Variants in STX8 observed in about 807,000 individuals in gnomAD.
STX8 encodes syntaxin 8.
STX8 carries 23 observed loss-of-function variants against 37.5 expected under a neutral mutation model. The observed-to-expected ratio is 0.61, with a 90% CI of 0.44 to 0.87. STX8 has a LOEUF of 0.87. Among genes scored for constraint, STX8 ranks in the 40% least tolerant of loss-of-function variants. The pLI, the probability that STX8 is intolerant of heterozygous loss-of-function variation, is 0.00. For synonymous variants in STX8, 115 were observed against 99.1 expected (o/e 1.16, Z -0.95); for missense variants, 313 against 284.7 (o/e 1.10, Z -0.71).
chr17:9,294,282 C>T (rs961652122), intron 7 of STX8, among the ~76,000 whole-genome samples: 4 of 152,140 alleles, frequency 2.6e-5, no homozygotes, highest in Non-Finnish European at 5.9e-5. Flanking sequence ...GGCTGGAAGG[C>T]CTAATGGTGA....
chr17:9,364,413 T>C (rs1352080448), intron 7 of STX8, among the ~76,000 whole-genome samples: 9 of 152,250 alleles, frequency 5.9e-5, no homozygotes, highest in African/African-American at 2.2e-4. Flanking sequence ...CAGTTTAAAC[T>C]GATTGAAGAA....
chr17:9,302,002 T>C (rs1225889558), intron 7 of STX8, among the ~76,000 whole-genome samples: 2 of 152,198 alleles, frequency 1.3e-5, no homozygotes, highest in East Asian at 1.9e-4. Context: ...TTATATAACA[T>C]AGAAATTATT....
intron 7 of STX8, 146 bp from the exon 8 acceptor site, chr17:9,250,791 T>C: frequency 5.0e-6 from 4 of 792,450 alleles, no homozygotes; most frequent in Non-Finnish European, 8.1e-6. Context: ...GTCGGTGGCC[T>C]GGGGCGCCGC....
intron 7 of STX8, among the ~76,000 whole-genome samples, chr17:9,370,328 C>T (rs1178238811): frequency 6.6e-6 from 1 of 152,178 alleles, no homozygotes; most frequent in Non-Finnish European, 1.5e-5. Flanking sequence ...ACAGAACAAT[C>T]ACATGTACTA....
rs138705922 is a variant in STX8, at chr17:9,415,626, G to A, written c.542-36973C>T. 4.4e-3 allele frequency among the ~76,000 whole-genome samples: 673 copies of A among 152,106 alleles called. 7 individuals carry two copies. The highest frequency in any genetic ancestry group is 0.015 in the African/African-American group (617 of 41,494). Reference sequence around the variant, plus strand: ...CTACTAAAAATACAAAAAATTAGCCGGGCGTGGTGGCAGGCGCCTGTAGTC... The same window carrying A: ...CTACTAAAAATACAAAAAATTAGCCAGGCGTGGTGGCAGGCGCCTGTAGTC... On this transcript the variant is annotated intron_variant, in intron 6 of 7. Coordinates refer to ENST00000306357, the MANE Select transcript of STX8 (RefSeq NM_004853.3).
intron 5 of STX8, among the ~76,000 whole-genome samples, chr17:9,496,865 G>A (rs964680992): frequency 1.4e-4 from 22 of 152,124 alleles, no homozygotes; most frequent in Admixed American, 1.2e-3. Context: ...GTAAGGGAAC[G>A]AATTCTCCAG....
At chr17:9,345,932 A>ACCT (rs1445963398) in intron 7 of STX8, among the ~76,000 whole-genome samples, 13 of 130,892 alleles carry the variant, frequency 9.9e-5, no homozygotes, top group Non-Finnish European at 1.5e-5. Flanking sequence ...GCTCACTGCT[A>ACCT]CCTCCGCGTC....
chr17:9,401,243 C>T lies in STX8; in HGVS notation c.542-22590G>A, dbSNP rs374843173. ...CTAGAATGCTATTTCTGGGTTCTTC[C>T]TCTTGTATCTCAACAAAACAGACTA... On this transcript the variant is annotated intron_variant, in intron 6 of 7. Transcript: ENST00000306357. Among the ~76,000 whole-genome samples the T allele has an allele frequency of 4.6e-5, 7 of 152,252 alleles. 1 individual carries two copies. Among genetic ancestry groups the T allele is most frequent in the African/African-American group, 1.7e-4 (7 of 41,540 alleles).
At chr17:9,300,288 G>A (rs893104915) in intron 7 of STX8, among the ~76,000 whole-genome samples, 2 of 133,658 alleles carry the variant, frequency 1.5e-5, no homozygotes, top group Non-Finnish European at 3.1e-5. Flanking sequence ...CCACGGTGGT[G>A]CCATTGCACT....
intron 1 of STX8, among the ~76,000 whole-genome samples, chr17:9,572,057 GT>G (rs1907710219): frequency 6.6e-6 from 1 of 152,016 alleles, no homozygotes; most frequent in Non-Finnish European, 1.5e-5. Context: ...CCAAAATAAA[GT>G]TTTTAAAAAG....
chr17:9,540,749 T>C (rs1906249066), intron 4 of STX8: 1 of 152,222 alleles, frequency 6.6e-6, no homozygotes, highest in Non-Finnish European at 1.5e-5. Context: ...AGAATTCTTC[T>C]AGAACCTTAT....
chr17:9,525,788 A>G (rs1905543147), intron 4 of STX8, among the ~76,000 whole-genome samples: 4 of 151,982 alleles, frequency 2.6e-5, no homozygotes, highest in African/African-American at 9.7e-5. Flanking sequence ...CTATCTCTGT[A>G]CTCCCTTCTG....
chr17:9,340,029 G>A (rs1910289875), intron 7 of STX8, among the ~76,000 whole-genome samples: 1 of 152,244 alleles, frequency 6.6e-6, no homozygotes, highest in Admixed American at 6.5e-5. Flanking sequence ...GCAACCGCGG[G>A]ATCCTCCCAT....
chr17:9,528,687 G>T (rs1905679397), intron 4 of STX8, among the ~76,000 whole-genome samples: 1 of 152,144 alleles, frequency 6.6e-6, no homozygotes, highest in African/African-American at 2.4e-5. Context: ...CCCCATGATG[G>T]AAGCAGGGAG....
chr17:9,321,505 C>CAT (rs2142204870), intron 7 of STX8, among the ~76,000 whole-genome samples: 1 of 151,782 alleles, frequency 6.6e-6, no homozygotes, highest in South Asian at 2.1e-4. Flanking sequence ...AAAAATAACA[C>CAT]ATATAAATAT....
At chr17:9,310,951 G>A (rs1909169804) in intron 7 of STX8, among the ~76,000 whole-genome samples, 1 of 152,058 alleles carries the variant, frequency 6.6e-6, no homozygotes, top group Non-Finnish European at 1.5e-5. Flanking sequence ...TGAAAGAGGA[G>A]GAGTCGGCCG....
chr17:9,479,367 C>T (rs774635357), intron 6 of STX8, among the ~76,000 whole-genome samples: 7 of 151,968 alleles, frequency 4.6e-5, no homozygotes, highest in Non-Finnish European at 8.8e-5. Context: ...AAACCCATCT[C>T]TACTAAAAAT....
At chr17:9,379,872 G>A (rs901756663) in intron 6 of STX8, among the ~76,000 whole-genome samples, 5 of 151,958 alleles carry the variant, frequency 3.3e-5, no homozygotes, top group African/African-American at 1.2e-4. Context: ...GGAGGCTGAG[G>A]CAGGAGAATC....
rs764352390 is a variant in STX8, at chr17:9,422,051, AC to A, written c.542-43399del. Among the ~76,000 whole-genome samples the A allele has an allele frequency of 3.0e-3, 455 of 151,034 alleles. 1 individual carries two copies. The highest frequency in any genetic ancestry group is 5.3e-3 in the Non-Finnish European group (363 of 67,888). On this transcript the variant is annotated intron_variant, in intron 6 of 7. Transcript: ENST00000306357. ...CCATGCTTCCTGTAGAGCCTGTGGA[AC>A]CATGACCCAATCAAACCCCTTTTCT...
Sources: gnomAD v4.1 joint callset for allele counts (sites outside exome capture counted in the v4.1 genomes callset) on GRCh38, gnomAD v4.1.1 for gene constraint, MANE v1.5 for transcripts, NCBI Gene and HGNC (gene_info 2026-07-23, HGNC 2026-07-21) for gene names.